Variants in PIK3C2G observed in about 807,000 individuals in gnomAD.
PIK3C2G encodes phosphatidylinositol-4-phosphate 3-kinase catalytic subunit type 2 gamma.
Under a neutral mutation model 181.1 loss-of-function variants are expected in PIK3C2G, and 168 were observed. The ratio of observed to expected loss-of-function variants is 0.93; its 90% CI spans 0.82 to 1.05. The LOEUF (loss-of-function observed/expected upper bound fraction) is 1.05. Among genes scored for constraint, PIK3C2G ranks in the 50% least tolerant of loss-of-function variants. PIK3C2G has a pLI of 0.00. For missense variants in PIK3C2G, 1,869 were observed against 1,732.8 expected (o/e 1.08, Z -1.40); for synonymous variants, 573 against 592.2 (o/e 0.97, Z 0.47).
At chr12:18,473,996 G>A (rs900851889) in intron 18 of PIK3C2G, among the ~76,000 whole-genome samples, 3 of 151,972 alleles carry the variant, frequency 2.0e-5, no homozygotes, top group African/African-American at 7.2e-5. Context: ...AAACATTTTT[G>A]GTAAAATGAG....
At chr12:18,424,238 T>C (rs1945659600) in intron 18 of PIK3C2G, among the ~76,000 whole-genome samples, 199 bp downstream of exon 18, 1 of 152,228 alleles carries the variant, frequency 6.6e-6, no homozygotes, top group South Asian at 2.1e-4. Flanking sequence ...AGTTGGACAG[T>C]TGCTACTGTT....
intron 31 of PIK3C2G, among the ~76,000 whole-genome samples, chr12:18,612,658 C>T (rs915122301): frequency 6.6e-6 from 1 of 152,078 alleles, no homozygotes; most frequent in Non-Finnish European, 1.5e-5. Context: ...AAATTCTCAA[C>T]ATATTTTATT....
intron 18 of PIK3C2G, among the ~76,000 whole-genome samples, chr12:18,430,829 G>A (rs1049048792): frequency 1.3e-5 from 2 of 152,160 alleles, no homozygotes; most frequent in Non-Finnish European, 2.9e-5. Flanking sequence ...TGTACCAGTT[G>A]AGAAAACCAC....
intron 24 of PIK3C2G, among the ~76,000 whole-genome samples, chr12:18,508,001 A>G (rs1169662787): frequency 6.6e-6 from 1 of 152,216 alleles, no homozygotes; most frequent in Non-Finnish European, 1.5e-5. Context: ...TGCCCAGCAT[A>G]CAGCCACACT....
intron 14 of PIK3C2G, among the ~76,000 whole-genome samples, chr12:18,390,664 A>G (rs530665946): frequency 6.6e-6 from 1 of 152,244 alleles, no homozygotes; most frequent in East Asian, 1.9e-4. Flanking sequence ...AGACTTGCAA[A>G]TTTCATGAAC....
chr12:18,683,726 C>T, the PIK3C2G span: 1 of 881,792 alleles, frequency 1.1e-6, no homozygotes, highest in Non-Finnish European at 1.6e-6. Context: ...GTAGTCAGCC[C>T]TGAAAAGGGG....
chr12:18,608,899 G>T (rs539610834), intron 30 of PIK3C2G, among the ~76,000 whole-genome samples: 1 of 152,198 alleles, frequency 6.6e-6, no homozygotes, highest in South Asian at 2.1e-4. Flanking sequence ...TTTGGATTCT[G>T]TGCAGGGGGT....
chr12:18,301,661 C>A (rs189282837), intron 5 of PIK3C2G, among the ~76,000 whole-genome samples: 91 of 151,878 alleles, frequency 6.0e-4, no homozygotes, highest in African/African-American at 2.1e-3. Flanking sequence ...TTGTATCTCA[C>A]TGAGTTTTTT....
chr12:18,591,230 C>G (rs1275497561), intron 29 of PIK3C2G, among the ~76,000 whole-genome samples: 1 of 151,814 alleles, frequency 6.6e-6, no homozygotes, highest in Non-Finnish European at 1.5e-5. Context: ...GACTAATTTA[C>G]AATGATACAT....
intron 1 of PIK3C2G, among the ~76,000 whole-genome samples, chr12:18,279,759 T>C (rs1332179778): frequency 3.3e-5 from 5 of 151,988 alleles, no homozygotes; most frequent in Non-Finnish European, 5.9e-5. Context: ...TAGATAATGA[T>C]ATAGCTATGT....
At chr12:18,590,659 A>C (rs1947031937) in intron 29 of PIK3C2G, among the ~76,000 whole-genome samples, 1 of 151,936 alleles carries the variant, frequency 6.6e-6, no homozygotes, top group Non-Finnish European at 1.5e-5. Context: ...ATGTGAAAAA[A>C]AGCTGTGGGA....
intron 18 of PIK3C2G, among the ~76,000 whole-genome samples, chr12:18,480,233 C>T (rs1045750198): frequency 3.9e-5 from 6 of 151,994 alleles, no homozygotes; most frequent in African/African-American, 1.2e-4. Flanking sequence ...CAAGCATATA[C>T]GGAGTGTAGT....
intron 18 of PIK3C2G, among the ~76,000 whole-genome samples, chr12:18,481,685 C>T (rs1939575065): frequency 6.6e-6 from 1 of 151,940 alleles, no homozygotes; most frequent in Non-Finnish European, 1.5e-5. Context: ...CCATGCTCAT[C>T]CACAAATGAA....
At chr12:18,609,445 T>C (rs1052992846) in intron 30 of PIK3C2G, 90 bp from the exon 31 acceptor site, 10 of 692,816 alleles carry the variant, frequency 1.4e-5, no homozygotes, top group Admixed American at 2.5e-5. Flanking sequence ...ACTTGTTATT[T>C]ATTGGTCCTG....
intron 5 of PIK3C2G, among the ~76,000 whole-genome samples, chr12:18,304,471 G>A (rs565814909): frequency 1.8e-4 from 28 of 152,240 alleles, no homozygotes; most frequent in African/African-American, 6.7e-4. Flanking sequence ...TGGCCAGGCT[G>A]GTCTCAAATG....
intron 30 of PIK3C2G, 62 bp from the exon 31 acceptor site, chr12:18,609,469 ATGTT>A (rs1948223344): frequency 1.2e-6 from 1 of 865,112 alleles, no homozygotes; most frequent in South Asian, 1.5e-5. Context: ...TAGTTTTTAA[ATGTT>A]TGATTGTTCC....
At chr12:18,710,166 T>G in the PIK3C2G span, among the ~76,000 whole-genome samples, 1 of 148,686 alleles carries the variant, frequency 6.7e-6, no homozygotes, top group African/African-American at 2.5e-5. Flanking sequence ...TTTTGTCTCT[T>G]TTTCTTATCT....
At chr12:18,706,022 T>C in the PIK3C2G span, among the ~76,000 whole-genome samples, 7 of 151,226 alleles carry the variant, frequency 4.6e-5, no homozygotes, top group Admixed American at 3.3e-4. Context: ...GGGTCAGGAG[T>C]TCGAGACCAG....
the PIK3C2G span, among the ~76,000 whole-genome samples, chr12:18,705,840 T>C: frequency 1.3e-5 from 2 of 151,972 alleles, no homozygotes; most frequent in African/African-American, 2.4e-5. Flanking sequence ...CATTCCAGCC[T>C]GGGTGACAGA....
Sources: allele counts gnomAD v4.1 joint callset (sites outside exome capture counted in the v4.1 genomes callset), GRCh38; gene constraint gnomAD v4.1.1; transcripts MANE v1.5; gene names NCBI Gene and HGNC (gene_info 2026-07-23, HGNC 2026-07-21).